The following AFG1L variants were observed in gnomAD, a reference collection of about 807,000 sequenced individuals.
AFG1L encodes the protein AFG1-like ATPase.
In AFG1L, 53 loss-of-function variants were observed where a neutral mutation model predicts 62.2. The ratio of observed to expected loss-of-function variants is 0.85; its 90% CI spans 0.68 to 1.07. The LOEUF is 1.07. Ranked by LOEUF, AFG1L falls within the 50% of genes least tolerant of loss-of-function variation. AFG1L has a pLI of 0.00. For missense variants in AFG1L, 555 were observed against 590.5 expected, an observed-to-expected ratio of 0.94 and a Z score of 0.62; for synonymous variants, 228 against 210.3, an observed-to-expected ratio of 1.08 and a Z score of -0.73.
intron 2 of AFG1L, among the ~76,000 whole-genome samples, chr6:108,333,911 C>T (rs1778372908): frequency 1.3e-5 from 2 of 152,092 alleles, no homozygotes; most frequent in Admixed American, 1.3e-4. Flanking sequence ...CGAGGTGTTC[C>T]ATATAGTCTT....
intron 7 of AFG1L, among the ~76,000 whole-genome samples, chr6:108,419,948 T>C (rs1770514933): frequency 6.6e-6 from 1 of 152,216 alleles, no homozygotes; most frequent in Non-Finnish European, 1.5e-5. Context: ...TTAGGATTTA[T>C]AGACTTGCTA....
chr6:108,381,671 G>A (rs1170256028), intron 6 of AFG1L, among the ~76,000 whole-genome samples: 1 of 152,162 alleles, frequency 6.6e-6, no homozygotes, highest in Non-Finnish European at 1.5e-5. Context: ...CACGTTTTAG[G>A]TACTGCAATA....
intron 10 of AFG1L, among the ~76,000 whole-genome samples, chr6:108,482,959 C>T (rs927239133): frequency 6.6e-6 from 1 of 152,056 alleles, no homozygotes; most frequent in African/African-American, 2.4e-5. Flanking sequence ...GCAGTAGCTT[C>T]TTGTTGAGTT....
At chr6:108,332,651 T>C (rs1778318111) in intron 2 of AFG1L, among the ~76,000 whole-genome samples, 1 of 152,200 alleles carries the variant, frequency 6.6e-6, no homozygotes, top group African/African-American at 2.4e-5. Context: ...AGTTTTGCCG[T>C]GTTGCCCAGG....
intron 10 of AFG1L, among the ~76,000 whole-genome samples, chr6:108,480,595 C>G (rs1773288692): frequency 6.6e-6 from 1 of 152,026 alleles, no homozygotes. Flanking sequence ...GTCAGGAGTT[C>G]AAGACCAGCC....
chr6:108,443,739 G>T (rs1771641126), intron 7 of AFG1L, among the ~76,000 whole-genome samples: 1 of 151,944 alleles, frequency 6.6e-6, no homozygotes, highest in South Asian at 2.1e-4. Context: ...CCGGGGCATG[G>T]TGACACATGC....
intron 5 of AFG1L, among the ~76,000 whole-genome samples, chr6:108,364,361 A>G (rs1275141681): frequency 6.6e-6 from 1 of 152,228 alleles, no homozygotes; most frequent in Non-Finnish European, 1.5e-5. Context: ...TCTGAAATAT[A>G]AAAACAGCAA....
At position 108,447,345 on chromosome 6, in the gene AFG1L, A is replaced by G. The variant is rs1221904250; in HGVS notation, c.890+49A>G. ...TTTAATGTCTAATCGTTAATCAGAA[A>G]AAGAACATAAAAATAAGCAGTTTAA... On this transcript the variant is annotated intron_variant, in intron 8 of 12. Transcript: ENST00000368977. The G allele has an allele frequency of 2.7e-6, 3 of 1,100,926 alleles. No homozygotes were observed. In the Admixed American group the frequency reaches 5.7e-5, roughly 21 times the overall value. 68.2% of individuals were successfully genotyped at this position (1,100,926 alleles called of 1,614,324 possible). A position where few individuals can be genotyped will look rare whatever the true frequency, so the allele number is the denominator to read the frequency against.
intron 8 of AFG1L, among the ~76,000 whole-genome samples, chr6:108,452,435 CTTT>C (rs1772094438): frequency 6.6e-6 from 1 of 152,034 alleles, no homozygotes; most frequent in African/African-American, 2.4e-5. Flanking sequence ...CCTATAGGTT[CTTT>C]TCTCTACTAA....
intron 6 of AFG1L, among the ~76,000 whole-genome samples, chr6:108,370,991 G>T (rs1332758342): frequency 6.6e-6 from 1 of 152,040 alleles, no homozygotes; most frequent in Non-Finnish European, 1.5e-5. Flanking sequence ...TGGAAGACAA[G>T]GGGAAGTCAT....
chr6:108,494,277 T>C (rs975986872), intron 10 of AFG1L, among the ~76,000 whole-genome samples: 3 of 151,958 alleles, frequency 2.0e-5, no homozygotes, highest in African/African-American at 7.3e-5. Flanking sequence ...GAGAAAATTG[T>C]CAGTTTCAGG....
chr6:108,384,632 A>G (rs1255855823), intron 6 of AFG1L, among the ~76,000 whole-genome samples: 1 of 152,212 alleles, frequency 6.6e-6, no homozygotes, highest in African/African-American at 2.4e-5. Flanking sequence ...ATCCCCCAAT[A>G]TGAACTGGAT....
intron 8 of AFG1L, among the ~76,000 whole-genome samples, chr6:108,455,587 CT>C (rs1330141248): frequency 2.0e-5 from 3 of 151,928 alleles, no homozygotes; most frequent in Non-Finnish European, 2.9e-5. Context: ...AGATTAAGTC[CT>C]TGATTTTAAA....
chr6:108,403,302 A>C (rs998529816), intron 7 of AFG1L, among the ~76,000 whole-genome samples: 1 of 152,194 alleles, frequency 6.6e-6, no homozygotes, highest in African/African-American at 2.4e-5. Flanking sequence ...AAACCTTAAA[A>C]ATTCTTACCC....
At chr6:108,303,887 C>A (rs1175031112) in intron 1 of AFG1L, among the ~76,000 whole-genome samples, 3 of 152,122 alleles carry the variant, frequency 2.0e-5, no homozygotes, top group African/African-American at 7.2e-5. Context: ...AGTATGTGAA[C>A]AGGGTGAATA....
At chr6:108,437,046 GA>G (rs949216559) in intron 7 of AFG1L, among the ~76,000 whole-genome samples, 3 of 152,112 alleles carry the variant, frequency 2.0e-5, no homozygotes, top group African/African-American at 7.2e-5. Flanking sequence ...GGAAGGAAGG[GA>G]CAAACAAGCT....
chr6:108,350,838 C>T (rs947743206), intron 3 of AFG1L, among the ~76,000 whole-genome samples: 5 of 152,126 alleles, frequency 3.3e-5, no homozygotes, highest in African/African-American at 9.7e-5. Flanking sequence ...CTAGTTTCAC[C>T]AGGTGAAAGG....
chr6:108,310,184 C>T (rs1225547278), intron 1 of AFG1L, among the ~76,000 whole-genome samples: 3 of 152,134 alleles, frequency 2.0e-5, no homozygotes, highest in Non-Finnish European at 2.9e-5. Flanking sequence ...CTGGGGGAGA[C>T]GTTATTATAC....
chr6:108,348,050 G>A lies in AFG1L; in HGVS notation c.415+1011G>A, dbSNP rs568559439. ...TAGGAAAAGAAAAAAAAAGGGCATT[G>A]AATAAGTAGGTTTTGTTTTGTTTTT... On this transcript the variant is annotated intron_variant, in intron 3 of 12. Coordinates refer to ENST00000368977, the MANE Select transcript of AFG1L (RefSeq NM_145315.5). Among the ~76,000 whole-genome samples the A allele has an allele frequency of 4.6e-4, 70 of 152,112 alleles. 1 individual carries two copies. Among genetic ancestry groups the A allele is most frequent in the African/African-American group, 1.6e-3 (68 of 41,492 alleles).
Sources: gnomAD v4.1 joint callset for allele counts (sites outside exome capture counted in the v4.1 genomes callset) on GRCh38, gnomAD v4.1.1 for gene constraint, MANE v1.5 for transcripts, NCBI Gene and HGNC (gene_info 2026-07-23, HGNC 2026-07-21) for gene names.